SGCD: variants seen among roughly 807,000 people sequenced by gnomAD.
SGCD encodes delta-sarcoglycan.
A neutral mutation model predicts 36.6 loss-of-function variants in SGCD; 18 were observed. That is an observed-to-expected ratio of 0.49 (90% CI 0.34 to 0.73). The LOEUF (loss-of-function observed/expected upper bound fraction) is 0.73. SGCD is among the 30% of genes least tolerant of loss of function. SGCD has a pLI of 0.01. For synonymous variants in SGCD, 133 were observed against 130.6 expected (o/e 1.02, Z -0.12); for missense variants, 387 against 346.7 (o/e 1.12, Z -0.92).
chr5:156,446,803 C>T (rs1753772233), intron 3 of SGCD, among the ~76,000 whole-genome samples: 1 of 152,174 alleles, frequency 6.6e-6, no homozygotes, highest in Non-Finnish European at 1.5e-5. Context: ...GAATCCCAGA[C>T]TCCTCACACT....
chr5:156,361,889 G>A (rs1049814370), intron 3 of SGCD, among the ~76,000 whole-genome samples: 8 of 152,194 alleles, frequency 5.3e-5, no homozygotes, highest in African/African-American at 9.7e-5. Flanking sequence ...AGATGACAAC[G>A]TGAAATTGCA....
intron 3 of SGCD, among the ~76,000 whole-genome samples, chr5:156,213,968 G>A (rs953478719): frequency 6.6e-6 from 1 of 151,942 alleles, no homozygotes; most frequent in Non-Finnish European, 1.5e-5. Flanking sequence ...CACAATGAAG[G>A]TTGTGCATGA....
intron 1 of SGCD, among the ~76,000 whole-genome samples, chr5:155,925,790 A>AT (rs1435455753): frequency 6.6e-6 from 1 of 151,868 alleles, no homozygotes; most frequent in Non-Finnish European, 1.5e-5. Flanking sequence ...TAATTTTTGT[A>AT]TTTTTTTGTA....
intron 2 of SGCD, among the ~76,000 whole-genome samples, chr5:156,340,575 C>A (rs2127713004): frequency 6.6e-6 from 1 of 152,290 alleles, no homozygotes; most frequent in South Asian, 2.1e-4. Flanking sequence ...GCATGTAAAT[C>A]CTCCAGAGCT....
chr5:155,831,181 T>TTAAGC, the SGCD span, among the ~76,000 whole-genome samples: 1 of 152,230 alleles, frequency 6.6e-6, no homozygotes. Flanking sequence ...TCCTTAGTCC[T>TTAAGC]TAAGCTACTG....
chr5:155,994,480 A>G (rs1205192357), intron 1 of SGCD, among the ~76,000 whole-genome samples: 1 of 152,240 alleles, frequency 6.6e-6, no homozygotes, highest in Non-Finnish European at 1.5e-5. Context: ...AATGGCAGGA[A>G]GCAAGGTCAT....
At chr5:156,426,274 G>C (rs377061780) in intron 3 of SGCD, among the ~76,000 whole-genome samples, 1 of 151,844 alleles carries the variant, frequency 6.6e-6, no homozygotes, top group African/African-American at 2.4e-5. Flanking sequence ...CTCTAAGCTG[G>C]AGGAGTAAGG....
chr5:156,549,215 C>T (rs1758697978), intron 4 of SGCD, among the ~76,000 whole-genome samples: 1 of 151,994 alleles, frequency 6.6e-6, no homozygotes, highest in Non-Finnish European at 1.5e-5. Flanking sequence ...TCTTTGATCA[C>T]AGATTGGTAC....
At chr5:156,333,135 A>G (rs931979893) in intron 2 of SGCD, among the ~76,000 whole-genome samples, 8 of 152,212 alleles carry the variant, frequency 5.3e-5, no homozygotes, top group African/African-American at 1.9e-4. Flanking sequence ...CATTGCAAGC[A>G]TTTGAGAGCG....
chr5:156,600,965 G>A (rs959500580), intron 6 of SGCD, among the ~76,000 whole-genome samples: 1 of 152,022 alleles, frequency 6.6e-6, no homozygotes, highest in Non-Finnish European at 1.5e-5. Context: ...GTATGTTTTT[G>A]AGAAATATCT....
At chr5:155,914,237 G>T (rs939220989) in intron 1 of SGCD, among the ~76,000 whole-genome samples, 2 of 152,182 alleles carry the variant, frequency 1.3e-5, no homozygotes, top group Non-Finnish European at 2.9e-5. Flanking sequence ...TCTTGATGAA[G>T]TTGTGAATGT....
At chr5:156,109,261 C>T (rs1244207723) in intron 1 of SGCD, among the ~76,000 whole-genome samples, 3 of 152,102 alleles carry the variant, frequency 2.0e-5, no homozygotes, top group Non-Finnish European at 4.4e-5. Context: ...CTTTTTTCCT[C>T]CTTCACTTCT....
intron 7 of SGCD, among the ~76,000 whole-genome samples, chr5:156,656,544 G>A (rs1483975454): frequency 6.6e-6 from 1 of 152,082 alleles, no homozygotes; most frequent in Non-Finnish European, 1.5e-5. Context: ...ACATATTTCT[G>A]TAACTCCTCA....
intron 3 of SGCD, among the ~76,000 whole-genome samples, chr5:156,166,588 G>A (rs1194337258): frequency 6.6e-6 from 1 of 152,212 alleles, no homozygotes; most frequent in Admixed American, 6.5e-5. Flanking sequence ...CCACAGTGCT[G>A]GGATTGCAGG....
chr5:156,534,050 G>A (rs371739518), intron 4 of SGCD, among the ~76,000 whole-genome samples: 29 of 152,196 alleles, frequency 1.9e-4, no homozygotes, highest in South Asian at 1.7e-3. Flanking sequence ...ATAAATTTGC[G>A]TGGTTTTTTC....
intron 3 of SGCD, among the ~76,000 whole-genome samples, chr5:156,240,068 C>A (rs895046214): frequency 6.6e-6 from 1 of 152,122 alleles, no homozygotes; most frequent in Non-Finnish European, 1.5e-5. Flanking sequence ...GAAGGGGAAG[C>A]CTTACCCAGT....
chr5:156,668,242 A>G (rs887402595), intron 7 of SGCD, among the ~76,000 whole-genome samples: 3 of 152,224 alleles, frequency 2.0e-5, no homozygotes, highest in Admixed American at 1.3e-4. Flanking sequence ...TCAAACTGAC[A>G]TGCAGTTGTC....
At chr5:156,727,961 T>C (rs193293869) in intron 7 of SGCD, among the ~76,000 whole-genome samples, 1 of 152,310 alleles carries the variant, frequency 6.6e-6, no homozygotes, top group East Asian at 1.9e-4. Context: ...AGCTAACATT[T>C]TGAAATAGCA....
chr5:156,656,030 G>T (rs187521324), intron 7 of SGCD, among the ~76,000 whole-genome samples: 11 of 152,038 alleles, frequency 7.2e-5, no homozygotes, highest in Non-Finnish European at 8.8e-5. Context: ...GAAGTAGACG[G>T]TAAAATCTTC....
Sources: allele counts gnomAD v4.1 joint callset (sites outside exome capture counted in the v4.1 genomes callset), GRCh38; gene constraint gnomAD v4.1.1; transcripts MANE v1.5; gene names NCBI Gene and HGNC (gene_info 2026-07-23, HGNC 2026-07-21).